The following BZW2 variants were observed in gnomAD, a reference collection of about 807,000 sequenced individuals.
BZW2 encodes eIF5-mimic protein 1.
BZW2 carries 23 observed loss-of-function variants against 53.2 expected under a neutral mutation model. That is an observed-to-expected ratio of 0.43 (90% CI 0.31 to 0.61). The LOEUF is 0.61. Among genes scored for constraint, BZW2 ranks in the 20% least tolerant of loss-of-function variants. The probability of loss-of-function intolerance (pLI) is 0.09; values close to 1 mark genes in which losing one functional copy is unlikely to be tolerated. For missense variants in BZW2, 409 were observed against 503.1 expected (o/e 0.81, Z 1.79); for synonymous variants, 227 against 186.4 (o/e 1.22, Z -1.77).
intron 2 of BZW2, among the ~76,000 whole-genome samples, chr7:16,667,874 T>C (rs779922364): frequency 2.6e-5 from 4 of 152,194 alleles, no homozygotes; most frequent in African/African-American, 4.8e-5. Flanking sequence ...CTCTTACAAA[T>C]TGTGCCCCAC....
intron 1 of BZW2, among the ~76,000 whole-genome samples, chr7:16,662,708 G>C (rs1196808223): frequency 1.3e-5 from 2 of 152,040 alleles, no homozygotes; most frequent in African/African-American, 4.8e-5. Flanking sequence ...CTTGAGTCCA[G>C]GAGTTTGAAG....
At chr7:16,682,882 T>C in intron 5 of BZW2, 37 bp downstream of exon 5, 1 of 1,411,658 alleles carries the variant, frequency 7.1e-7, no homozygotes, top group Non-Finnish European at 9.8e-7. Flanking sequence ...TGTTTTATAG[T>C]AATGACATGG....
In BZW2 at chr7:16,682,810, T is replaced by C; in HGVS notation, c.370T>C (p.Tyr124His). The change falls in exon 5 of 12, where the codon TAT becomes CAT. Residue 124 changes from tyrosine to histidine, a missense_variant. By Grantham distance (83) the Tyr-to-His change is moderately conservative. Coordinates refer to ENST00000258761, the MANE Select transcript of BZW2 (RefSeq NM_014038.3). ...VFNKLIRRYK[Y>H]LEKAFEDEMK... The stretch of plus-strand genomic sequence containing the variant: ...CAATAAACTCATCAGGAGATATAAG[T>C]ATTTGGAGAAGGCATTTGAAGATGA... The C allele has an allele frequency of 6.3e-7, 1 of 1,584,408 alleles. No individual in the cohort carries two copies.
chr7:16,659,851 T>A (rs1399685212), intron 1 of BZW2, among the ~76,000 whole-genome samples: 2 of 150,072 alleles, frequency 1.3e-5, no homozygotes, highest in Non-Finnish European at 2.9e-5. Flanking sequence ...TTTATTTTTT[T>A]ATTTTTTTTT....
At chr7:16,698,901 GT>G (rs1306260288) in intron 10 of BZW2, among the ~76,000 whole-genome samples, 2 of 152,068 alleles carry the variant, frequency 1.3e-5, no homozygotes, top group Non-Finnish European at 2.9e-5. Flanking sequence ...TTTATTTTAT[GT>G]TATTATGTTC....
chr7:16,687,025 G>A (rs1783148469), intron 6 of BZW2: 1 of 152,078 alleles, frequency 6.6e-6, no homozygotes, highest in African/African-American at 2.4e-5. Context: ...AGTCAACATA[G>A]AATATAAATG....
chr7:16,648,564 C>T (rs959155707), intron 1 of BZW2, among the ~76,000 whole-genome samples: 1 of 152,214 alleles, frequency 6.6e-6, no homozygotes, highest in Admixed American at 6.5e-5. Flanking sequence ...ATTCAGGGAA[C>T]TACCAGTTCA....
intron 1 of BZW2, among the ~76,000 whole-genome samples, chr7:16,655,363 T>A (rs533209164): frequency 6.6e-6 from 1 of 152,366 alleles, no homozygotes; most frequent in South Asian, 2.1e-4. Flanking sequence ...TTTAAATTAC[T>A]TAAGTTACTA....
intron 6 of BZW2, chr7:16,688,605 T>C (rs1403497856): frequency 6.6e-6 from 1 of 152,200 alleles, no homozygotes; most frequent in Non-Finnish European, 1.5e-5. Context: ...GTAAAGAGAA[T>C]AGAGGCTGCT....
chr7:16,672,259 C>T (rs983931411), intron 2 of BZW2, among the ~76,000 whole-genome samples: 3 of 152,048 alleles, frequency 2.0e-5, no homozygotes, highest in Non-Finnish European at 4.4e-5. Flanking sequence ...ATTTCCTTTC[C>T]TTTGTTTTCT....
In BZW2 at chr7:16,704,343, A is replaced by C. The variant is rs555520173; in HGVS notation, c.1109-204A>C. Among the ~76,000 whole-genome samples, 4 of 152,362 alleles carry C rather than the reference A, an allele frequency of 2.6e-5. No individual in the cohort carries two copies. The South Asian group carries it at 8.3e-4, about 32-fold the overall frequency. On this transcript the variant is annotated intron_variant, in intron 10 of 11. Transcript: ENST00000258761. ...TATCATGCCTAAGAAGATGTATATC[A>C]TCATCATCAGTACTTAAGCCTTTAG...
intron 5 of BZW2, 51 bp downstream of exon 5, chr7:16,682,896 T>C (rs764616345): frequency 2.3e-6 from 3 of 1,310,244 alleles, no homozygotes; most frequent in East Asian, 5.0e-5. Flanking sequence ...GACATGGGGG[T>C]GGATAAAAAT....
chr7:16,666,983 T>G (rs1382966517), intron 2 of BZW2, among the ~76,000 whole-genome samples: 2 of 151,952 alleles, frequency 1.3e-5, no homozygotes, highest in Non-Finnish European at 2.9e-5. Flanking sequence ...CTCTTGGATG[T>G]AAGAATAGCT....
chr7:16,672,766 C>T lies in BZW2; in HGVS notation c.59-1646C>T, dbSNP rs1490388431. The stretch of plus-strand genomic sequence containing the variant: ...TATATGATCCCTGCTTTGTTCAAGA[C>T]CTGGCTCCAAGTCGACCTTCCACAA... On this transcript the variant is annotated intron_variant, in intron 2 of 11. Coordinates refer to ENST00000258761, the MANE Select transcript of BZW2 (RefSeq NM_014038.3). Among the ~76,000 whole-genome samples, 4 of 152,278 alleles carry T rather than the reference C, an allele frequency of 2.6e-5. No homozygotes were observed. In the East Asian group the frequency reaches 7.7e-4, roughly 29 times the overall value.
intron 3 of BZW2, among the ~76,000 whole-genome samples, chr7:16,678,466 AGAAAT>A (rs1782836623): frequency 6.6e-6 from 1 of 152,238 alleles, no homozygotes; most frequent in South Asian, 2.1e-4. Context: ...CAAAAACGTT[AGAAAT>A]GGCAAACAAT....
intron 3 of BZW2, among the ~76,000 whole-genome samples, chr7:16,679,036 ACT>A (rs1373933050): frequency 6.6e-6 from 1 of 152,124 alleles, no homozygotes; most frequent in Admixed American, 6.5e-5. Flanking sequence ...CTGGGCACAC[ACT>A]GTCATTGATA....
intron 3 of BZW2, among the ~76,000 whole-genome samples, chr7:16,677,539 T>C (rs1279225715): frequency 6.6e-6 from 1 of 152,206 alleles, no homozygotes; most frequent in Non-Finnish European, 1.5e-5. Flanking sequence ...TCATTAACAT[T>C]GGAGCATGGG....
At chr7:16,696,886 C>G in intron 8 of BZW2, 29 bp from the exon 9 acceptor site, 1 of 1,613,172 alleles carries the variant, frequency 6.2e-7, no homozygotes, top group Non-Finnish European at 8.5e-7. Flanking sequence ...CTGCCTGTTA[C>G]TTTCTGACCC....
At chr7:16,674,610 C>T (rs1562484930) in intron 3 of BZW2, 22 bp downstream of exon 3, 1 of 1,517,878 alleles carries the variant, frequency 6.6e-7, no homozygotes, top group African/African-American at 1.4e-5. Flanking sequence ...ATTATCGCTT[C>T]TTGTAGTATA....
Sources: allele counts gnomAD v4.1 joint callset (sites outside exome capture counted in the v4.1 genomes callset), GRCh38; gene constraint gnomAD v4.1.1; transcripts MANE v1.5; gene names NCBI Gene and HGNC (gene_info 2026-07-23, HGNC 2026-07-21).